COPB1: variants seen among roughly 807,000 people sequenced by gnomAD.
COPB1 encodes the protein coat protein complex I subunit beta 1.
In COPB1, 21 loss-of-function variants were observed where a neutral mutation model predicts 108.7. The ratio of observed to expected loss-of-function variants is 0.19; its 90% CI spans 0.14 to 0.28. The LOEUF is 0.28. Among genes scored for constraint, COPB1 ranks in the 10% least tolerant of loss-of-function variants. The probability of loss-of-function intolerance (pLI) is 1.00; values close to 1 mark genes in which losing one functional copy is unlikely to be tolerated. For synonymous variants in COPB1, 378 were observed against 386.8 expected, an observed-to-expected ratio of 0.98 and a Z score of 0.27; for missense variants, 919 against 1,141.3, an observed-to-expected ratio of 0.81 and a Z score of 2.81.
At chr11:14,470,899 T>TACACACACAC (rs56957263) in intron 14 of COPB1, among the ~76,000 whole-genome samples, 143 of 134,852 alleles carry the variant, frequency 1.1e-3, no homozygotes, top group African/African-American at 2.7e-3. Context: ...GTGGAAGAAA[T>TACACACACAC]ACACACACAC....
chr11:14,465,137 G>C (rs1850258636), intron 17 of COPB1, 107 bp from the exon 18 acceptor site: 1 of 1,342,942 alleles, frequency 7.4e-7, no homozygotes, highest in African/African-American at 1.4e-5. Flanking sequence ...AATGTATGCA[G>C]CTTAATAGTT....
chr11:14,476,762 CTT>C (rs10612229), intron 12 of COPB1, among the ~76,000 whole-genome samples, 155 bp downstream of exon 12: 1,875 of 130,962 alleles, frequency 0.014, 32 homozygotes, highest in African/African-American at 0.041. Context: ...GCTACTGCTT[CTT>C]TTTTTTTTTT....
chr11:14,465,867 T>A (rs1464610798), intron 17 of COPB1, among the ~76,000 whole-genome samples: 1 of 152,108 alleles, frequency 6.6e-6, no homozygotes, highest in Admixed American at 6.5e-5. Flanking sequence ...AAAATGCATC[T>A]CATATTGCTA....
chr11:14,479,104 G>A (rs2134112448), intron 11 of COPB1, among the ~76,000 whole-genome samples: 1 of 151,644 alleles, frequency 6.6e-6, no homozygotes, highest in East Asian at 1.9e-4. Flanking sequence ...TCCTTCCTGA[G>A]ACATATTTCA....
At position 14,457,959 on chromosome 11, in the gene COPB1, CCAATT is replaced by C. The variant is rs372741936; in HGVS notation, c.2803-81_2803-77del. 165 of 834,368 alleles carry C rather than the reference CCAATT, an allele frequency of 2.0e-4. No individual in the cohort carries two copies. The Middle Eastern group carries it at 2.5e-3, about 13-fold the overall frequency. The allele number at this position is 834,368 out of a possible 1,614,324, so 51.7% of individuals were successfully genotyped here. On this transcript the variant is annotated intron_variant, in intron 21 of 21. Coordinates refer to ENST00000439561, the MANE Select transcript of COPB1 (RefSeq NM_001144061.2). ...GTAGGTTATTCCATATTATTAAGCC[CCAATT>C]CAATTCAATGACACCATTATCAACA...
At chr11:14,476,389 A>G (rs1565017211) in intron 12 of COPB1, among the ~76,000 whole-genome samples, 2 of 152,206 alleles carry the variant, frequency 1.3e-5, no homozygotes, top group Non-Finnish European at 2.9e-5. Context: ...AACCTCATCA[A>G]CTAACTTTTA....
rs1850355817 is a variant in COPB1, at chr11:14,469,363, T to C, written c.1938A>G (p.Lys646=). 1 of 1,614,034 alleles carries C rather than the reference T, an allele frequency of 6.2e-7. No individual in the cohort carries two copies. The highest frequency in any genetic ancestry group is 8.5e-7 in the Non-Finnish European group (1 of 1,179,902). ...RQSLSHMLSA[K]LEEEKLSQKK... is the part of the protein sequence containing the mutation. ...TTTGGGATAATTTCTCTTCTTCTAG[T>C]TTAGCAGATAACATGTGAGAAAGGG... The change falls in exon 15 of 22, where the codon AAA becomes AAG. Residue 646 remains lysine (K), a synonymous_variant. Transcript: ENST00000439561.
At position 14,498,972 on chromosome 11, in the gene COPB1, G is replaced by C; in HGVS notation, c.-44C>G. On this transcript the variant is annotated 5_prime_UTR_variant, in exon 2 of 22. Coordinates refer to ENST00000439561, the MANE Select transcript of COPB1 (RefSeq NM_001144061.2). ...AACCAATCCTTGACACAAGATTTAA[G>C]GATGCCAGAAAATCTAGAAAAATAA... is the stretch of plus-strand genomic sequence containing the variant. The C allele has an allele frequency of 6.8e-7, 1 of 1,479,006 alleles. No homozygotes were observed. The highest frequency in any genetic ancestry group is 1.4e-5 in the African/African-American group (1 of 69,962). 91.6% of individuals were successfully genotyped at this position (1,479,006 alleles called of 1,614,324 possible).
chr11:14,478,492 G>C (rs1453000783), intron 11 of COPB1, among the ~76,000 whole-genome samples: 1 of 86,132 alleles, frequency 1.2e-5, no homozygotes, highest in Non-Finnish European at 3.1e-5. Context: ...AATGTAAAAA[G>C]TAATTCACTT....
intron 5 of COPB1, among the ~76,000 whole-genome samples, chr11:14,489,335 A>C (rs1351947671): frequency 6.6e-6 from 1 of 152,234 alleles, no homozygotes; most frequent in Admixed American, 6.5e-5. Context: ...AAATAATTAA[A>C]AACAGAATTG....
chr11:14,493,178 A>G (rs1328432764), intron 4 of COPB1, among the ~76,000 whole-genome samples: 1 of 152,108 alleles, frequency 6.6e-6, no homozygotes, highest in Non-Finnish European at 1.5e-5. Context: ...AAAATTCAAA[A>G]TCTTCAGCTT....
intron 7 of COPB1, among the ~76,000 whole-genome samples, chr11:14,485,037 G>A (rs1227615776): frequency 6.6e-6 from 1 of 152,122 alleles, no homozygotes; most frequent in Non-Finnish European, 1.5e-5. Flanking sequence ...TAGAGACAGG[G>A]TCTCACTGTT....
At chr11:14,497,354 A>C (rs1334123729) in intron 2 of COPB1, among the ~76,000 whole-genome samples, 9 of 151,334 alleles carry the variant, frequency 5.9e-5, no homozygotes, top group South Asian at 2.1e-4. Flanking sequence ...AAAAAAAAAA[A>C]CTCATAATCT....
intron 7 of COPB1, among the ~76,000 whole-genome samples, chr11:14,483,674 T>G (rs1850710726): frequency 6.6e-6 from 1 of 151,500 alleles, no homozygotes; most frequent in African/African-American, 2.4e-5. Context: ...AATGATAGAA[T>G]AAAATGTCCA....
chr11:14,463,907 T>G (rs1850221018), intron 18 of COPB1, among the ~76,000 whole-genome samples: 1 of 152,220 alleles, frequency 6.6e-6, no homozygotes, highest in Admixed American at 6.5e-5. Context: ...GCTCAAGTCC[T>G]CTGCCATCTC....
chr11:14,482,795 C>G (rs1004750975), intron 8 of COPB1, among the ~76,000 whole-genome samples: 1 of 152,214 alleles, frequency 6.6e-6, no homozygotes, highest in Non-Finnish European at 1.5e-5. Flanking sequence ...CTCTGCCTCC[C>G]AAAGTGCTGG....
At chr11:14,478,958 A>C (rs898148817) in intron 11 of COPB1, 1 of 5,786 alleles carries the variant, frequency 1.7e-4, no homozygotes. Context: ...GCCCTCTCAC[A>C]AAAAAAAAAA....
chr11:14,468,747 T>C lies in COPB1; in HGVS notation c.2079A>G (p.Leu693=), dbSNP rs754389990. ...NCKEDQFQLS[L]LAAMGNTQRK... Reference sequence around the variant, plus strand: ...TCTGTGTGTTACCCATTGCTGCCAGTAAACTCAGCTGAAACTGATCTTCCT... The same window carrying C: ...TCTGTGTGTTACCCATTGCTGCCAGCAAACTCAGCTGAAACTGATCTTCCT... Residue 693 remains leucine (L), a synonymous_variant, in exon 16 of 22, where the codon TTA becomes TTG. Transcript: ENST00000439561. The C allele has an allele frequency of 2.5e-6, 4 of 1,614,200 alleles. No homozygotes were observed. The highest frequency in any genetic ancestry group is 3.4e-6 in the Non-Finnish European group (4 of 1,180,014).
chr11:14,484,730 C>T (rs575622457), intron 7 of COPB1, among the ~76,000 whole-genome samples: 7 of 151,892 alleles, frequency 4.6e-5, no homozygotes, highest in African/African-American at 1.7e-4. Context: ...AAAACAAAAA[C>T]AAAACAAAAA....
Sources: gnomAD v4.1 joint callset for allele counts (sites outside exome capture counted in the v4.1 genomes callset) on GRCh38, gnomAD v4.1.1 for gene constraint, MANE v1.5 for transcripts, NCBI Gene and HGNC (gene_info 2026-07-23, HGNC 2026-07-21) for gene names.